MEIKIN: variants seen among roughly 807,000 people sequenced by gnomAD.
MEIKIN encodes the protein meiotic kinetochore factor, also known as meiosis-specific kinetochore protein.
At chr5:131,892,274 T>C (rs570796375) in intron 8 of MEIKIN, among the ~76,000 whole-genome samples, 1 of 152,350 alleles carries the variant, frequency 6.6e-6, no homozygotes, top group Non-Finnish European at 1.5e-5. Context: ...CCTTGCTAGA[T>C]TGGGGAAGTT....
Position 131,945,639 on chromosome 5 carries a change from G to A in MEIKIN, c.-134C>T, listed in dbSNP as rs895432753. On this transcript the variant is annotated 5_prime_UTR_variant, in exon 1 of 13. Transcript: ENST00000442687. The stretch of plus-strand genomic sequence containing the variant: ...CGGAGCAGCCTCACAGCAACTAATC[G>A]AGCGAAAGCAAAAGCCCCAGAACTG... 5 of 395,960 alleles carry A rather than the reference G, an allele frequency of 1.3e-5. No homozygotes were observed. Among genetic ancestry groups the A allele is most frequent in the East Asian group, 3.6e-5 (1 of 27,878 alleles). 24.5% of individuals were successfully genotyped at this position (395,960 alleles called of 1,614,324 possible).
chr5:131,899,277 T>C (rs900818717), intron 8 of MEIKIN, among the ~76,000 whole-genome samples: 1 of 152,122 alleles, frequency 6.6e-6, no homozygotes, highest in Non-Finnish European at 1.5e-5. Flanking sequence ...CTTAAAATAA[T>C]GGATTATAAG....
intron 4 of MEIKIN, among the ~76,000 whole-genome samples, chr5:131,936,148 GA>G (rs1167517368): frequency 6.6e-6 from 1 of 152,166 alleles, no homozygotes. Context: ...TAGTTGAGTA[GA>G]AAAAATAATA....
At chr5:131,917,779 T>C (rs533288375) in intron 6 of MEIKIN, among the ~76,000 whole-genome samples, 37 of 152,308 alleles carry the variant, frequency 2.4e-4, no homozygotes, top group African/African-American at 8.7e-4. Flanking sequence ...GTGGTACTTA[T>C]GTTAGATTAG....
At chr5:131,868,994 G>A (rs1163648240) in intron 9 of MEIKIN, among the ~76,000 whole-genome samples, 3 of 152,100 alleles carry the variant, frequency 2.0e-5, no homozygotes, top group African/African-American at 7.2e-5. Flanking sequence ...TGAAGTCCAG[G>A]TTATCAATTA....
At chr5:131,819,943 T>A (rs562416480) in intron 11 of MEIKIN, among the ~76,000 whole-genome samples, 1 of 147,650 alleles carries the variant, frequency 6.8e-6, no homozygotes, top group African/African-American at 2.5e-5. Context: ...GCCCGGCTAA[T>A]TTTTTGTATT....
At chr5:131,945,315 C>G (rs1467448323) in intron 1 of MEIKIN, 66 bp from the exon 2 acceptor site, 5 of 398,912 alleles carry the variant, frequency 1.3e-5, no homozygotes, top group East Asian at 7.1e-5. Context: ...GTCCTGGGCC[C>G]GAGGCCTAGC....
intron 3 of MEIKIN, 175 bp downstream of exon 3, chr5:131,944,490 C>T (rs1253114603): frequency 2.6e-6 from 1 of 390,946 alleles, no homozygotes; most frequent in East Asian, 3.6e-5. Context: ...ATGAATCTAC[C>T]CAAGTCAGAA....
chr5:131,876,709 A>C (rs1302199246), intron 9 of MEIKIN, among the ~76,000 whole-genome samples: 3 of 150,912 alleles, frequency 2.0e-5, no homozygotes, highest in Non-Finnish European at 3.0e-5. Context: ...ATGTTTATTG[A>C]GGCACTATTC....
At chr5:131,935,540 T>C (rs1751763465) in intron 4 of MEIKIN, among the ~76,000 whole-genome samples, 1 of 152,102 alleles carries the variant, frequency 6.6e-6, no homozygotes, top group Non-Finnish European at 1.5e-5. Flanking sequence ...CTATATTTAG[T>C]CTACATTTAT....
At chr5:131,899,618 C>A (rs1205234768) in intron 8 of MEIKIN, among the ~76,000 whole-genome samples, 1 of 149,894 alleles carries the variant, frequency 6.7e-6, no homozygotes, top group Non-Finnish European at 1.5e-5. Flanking sequence ...AAGACACACA[C>A]AGACTGTAAA....
At chr5:131,898,973 C>G (rs1407667240) in intron 8 of MEIKIN, among the ~76,000 whole-genome samples, 2 of 152,190 alleles carry the variant, frequency 1.3e-5, no homozygotes, top group African/African-American at 4.8e-5. Flanking sequence ...CCAGGTACTT[C>G]AGTTGGAAAT....
intron 9 of MEIKIN, among the ~76,000 whole-genome samples, chr5:131,855,738 C>T (rs1347134562): frequency 1.3e-5 from 2 of 151,948 alleles, no homozygotes; most frequent in South Asian, 4.1e-4. Flanking sequence ...GAGAGAGAGA[C>T]AGAGAAGGAC....
chr5:131,861,911 C>T (rs1468036679), intron 9 of MEIKIN, among the ~76,000 whole-genome samples: 1 of 151,984 alleles, frequency 6.6e-6, no homozygotes, highest in Non-Finnish European at 1.5e-5. Flanking sequence ...TTTCTCTTTG[C>T]TGTTGTTGTT....
At chr5:131,891,607 G>A (rs960145448) in intron 8 of MEIKIN, among the ~76,000 whole-genome samples, 1 of 152,112 alleles carries the variant, frequency 6.6e-6, no homozygotes, top group Non-Finnish European at 1.5e-5. Flanking sequence ...GAGCCTATGT[G>A]TCTCTGCATG....
intron 8 of MEIKIN, among the ~76,000 whole-genome samples, chr5:131,904,237 C>CAGTGGGT (rs1412979806): frequency 6.6e-6 from 1 of 152,150 alleles, no homozygotes; most frequent in South Asian, 2.1e-4. Flanking sequence ...TTTAAACACC[C>CAGTGGGT]ACTGACAGTA....
chr5:131,903,970 C>G (rs1158343968), intron 8 of MEIKIN, among the ~76,000 whole-genome samples: 1 of 148,820 alleles, frequency 6.7e-6, no homozygotes, highest in Non-Finnish European at 1.5e-5. Context: ...TAAAAAAAAA[C>G]AAAAAAACAA....
chr5:131,920,689 A>G (rs1017898795), intron 6 of MEIKIN, among the ~76,000 whole-genome samples: 1 of 148,996 alleles, frequency 6.7e-6, no homozygotes. Flanking sequence ...CAAAAACTGC[A>G]TAACTTCATT....
chr5:131,897,210 C>A (rs1016686164), intron 8 of MEIKIN, among the ~76,000 whole-genome samples: 3 of 152,150 alleles, frequency 2.0e-5, no homozygotes, highest in African/African-American at 7.2e-5. Flanking sequence ...GAATATTAGC[C>A]CTCACTCTCT....
Sources: allele counts gnomAD v4.1 joint callset (sites outside exome capture counted in the v4.1 genomes callset), GRCh38; gene constraint gnomAD v4.1.1; transcripts MANE v1.5; gene names NCBI Gene and HGNC (gene_info 2026-07-23, HGNC 2026-07-21).